The following SRFBP1 variants were observed in gnomAD, a reference collection of about 807,000 sequenced individuals.
SRFBP1 encodes serum response factor-binding protein 1.
A neutral mutation model predicts 45.5 loss-of-function variants in SRFBP1; 47 were observed. The observed-to-expected ratio is 1.03, with a 90% CI of 0.82 to 1.32. The LOEUF (loss-of-function observed/expected upper bound fraction) is 1.32. SRFBP1 is among the 40% of genes most tolerant of loss of function. The pLI, the probability that SRFBP1 is intolerant of heterozygous loss-of-function variation, is 0.00. For synonymous variants in SRFBP1, 203 were observed against 166.3 expected (o/e 1.22, Z -1.70); for missense variants, 621 against 484.6 (o/e 1.28, Z -2.64).
chr5:122,024,808 G>C (rs17351902), intron 7 of SRFBP1, among the ~76,000 whole-genome samples: 14,126 of 152,032 alleles, frequency 0.093, 926 homozygotes, highest in Non-Finnish European at 0.14. Flanking sequence ...AGGGTTTTTT[G>C]TGCTTAGCTT....
At chr5:122,053,265 G>C (rs1302223201) in intron 2 of SRFBP1, among the ~76,000 whole-genome samples, 1 of 152,120 alleles carries the variant, frequency 6.6e-6, no homozygotes, top group Non-Finnish European at 1.5e-5. Flanking sequence ...GGCAGGGCTG[G>C]ATGGAGTTGC....
chr5:121,979,177 C>T (rs539819367), intron 3 of SRFBP1, among the ~76,000 whole-genome samples: 3 of 152,172 alleles, frequency 2.0e-5, no homozygotes, highest in African/African-American at 4.8e-5. Flanking sequence ...TATATCATAC[C>T]ACTTGAACCT....
chr5:122,027,143 C>T lies in SRFBP1; in HGVS notation c.*17C>T, dbSNP rs1185372540. ...GATGATTGATTAGTGCCTCTTTCTGCAAACTTTTCCATCTAAAAAAAAAAA... is the reference window on the plus strand; with the variant it reads ...GATGATTGATTAGTGCCTCTTTCTGTAAACTTTTCCATCTAAAAAAAAAAA... On this transcript the variant is annotated 3_prime_UTR_variant, in exon 8 of 8. Transcript: ENST00000339397. 1.9e-6 allele frequency: 3 copies of T among 1,567,080 alleles called. No individual in the cohort carries two copies. In the African/African-American group the frequency reaches 4.1e-5, roughly 22 times the overall value.
At chr5:122,000,459 A>C (rs1195013534) in intron 4 of SRFBP1, among the ~76,000 whole-genome samples, 1 of 152,092 alleles carries the variant, frequency 6.6e-6, no homozygotes, top group Non-Finnish European at 1.5e-5. Context: ...CTCTTAAAAT[A>C]TCTTGAAGAG....
intron 1 of SRFBP1, among the ~76,000 whole-genome samples, chr5:121,965,115 A>G (rs960293043): frequency 3.3e-5 from 5 of 152,184 alleles, no homozygotes; most frequent in African/African-American, 7.2e-5. Flanking sequence ...ATAGATTGCA[A>G]AAATTTTCTC....
rs1754416159 is a variant in SRFBP1 at position 122,070,438 on chromosome 5, A to C, written n.312-4877A>C. ...GATTATTTAACATTTGAATCCAGAG[A>C]AGAGGGCCTATTGATCTGCAATATC... On this transcript the variant is annotated intron_variant and non_coding_transcript_variant, in intron 2 of 2. Coordinates refer to the SRFBP1 transcript ENST00000504881. The C allele has an allele frequency of 2.8e-5, 26 of 922,052 alleles. No homozygotes were observed. In the South Asian group the frequency reaches 3.6e-4, roughly 13 times the overall value. 57.1% of individuals were successfully genotyped at this position (922,052 alleles called of 1,614,324 possible).
intron 1 of SRFBP1, among the ~76,000 whole-genome samples, chr5:121,966,041 C>A (rs1281430119): frequency 6.6e-6 from 1 of 152,056 alleles, no homozygotes. Context: ...GATTTTGTAT[C>A]CTGAGACTTT....
chr5:122,021,907 G>C (rs923955376), intron 6 of SRFBP1, among the ~76,000 whole-genome samples: 1 of 151,386 alleles, frequency 6.6e-6, no homozygotes, highest in Non-Finnish European at 1.5e-5. Context: ...TATTGGCCCG[G>C]TTAGTGTCGA....
At chr5:121,990,852 C>T (rs1752607893) in intron 3 of SRFBP1, among the ~76,000 whole-genome samples, 1 of 152,152 alleles carries the variant, frequency 6.6e-6, no homozygotes, top group Admixed American at 6.5e-5. Context: ...TCACTTGAAG[C>T]AGAATTGTTC....
At chr5:121,971,951 T>C (rs1442771361) in intron 1 of SRFBP1, among the ~76,000 whole-genome samples, 1 of 151,980 alleles carries the variant, frequency 6.6e-6, no homozygotes, top group Non-Finnish European at 1.5e-5. Flanking sequence ...ACTGGATTTG[T>C]GTGGCATGCA....
chr5:121,966,431 G>A (rs1038394665), intron 1 of SRFBP1, among the ~76,000 whole-genome samples: 6 of 152,164 alleles, frequency 3.9e-5, no homozygotes, highest in Non-Finnish European at 5.9e-5. Flanking sequence ...TTGTCTACAG[G>A]TAATAAGAAG....
At chr5:121,999,001 A>C (rs924695891) in intron 4 of SRFBP1, among the ~76,000 whole-genome samples, 7 of 151,838 alleles carry the variant, frequency 4.6e-5, no homozygotes, top group Admixed American at 3.9e-4. Flanking sequence ...ACTTTCATTG[A>C]TTTTTGCTCC....
rs781725062 is a variant in SRFBP1, at chr5:121,962,043, C to T, written c.11C>T (p.Pro4Leu). 7.4e-5 allele frequency: 120 copies of T among 1,614,130 alleles called. No homozygotes were observed. Among genetic ancestry groups the T allele is most frequent in the Non-Finnish European group, 9.6e-5 (113 of 1,180,042 alleles). The change falls in exon 1 of 8, where the codon CCG (proline) becomes CTG (leucine). Residue 4 changes from proline to leucine, a missense_variant. Pro to Leu is a moderately conservative substitution (Grantham distance 98). Coordinates refer to ENST00000339397, the MANE Select transcript of SRFBP1 (RefSeq NM_152546.3). ...ATTCCTTCATCTACCATGGCTCAGC[C>T]GGGAACTCTGAACCTCAATAACGAG... MAQ[P>L]GTLNLNNEVV...
rs561386463 is a variant in SRFBP1 at position 122,019,828 on chromosome 5, T to C, written c.353-260T>C. ...TTGTATTCTGTGATGTTTTTACTGTTCTTCATAACTCCAAGACATGAAGAA... is the reference window on the plus strand; with the variant it reads ...TTGTATTCTGTGATGTTTTTACTGTCCTTCATAACTCCAAGACATGAAGAA... On this transcript the variant is annotated intron_variant, in intron 5 of 7. Transcript: ENST00000339397. Among the ~76,000 whole-genome samples, 8 of 152,208 alleles carry C rather than the reference T, an allele frequency of 5.3e-5. No individual in the cohort carries two copies. In the East Asian group the frequency reaches 1.5e-3, roughly 29 times the overall value.
chr5:121,981,553 CTTTT>C (rs71623244), intron 3 of SRFBP1, among the ~76,000 whole-genome samples: 7 of 134,722 alleles, frequency 5.2e-5, no homozygotes, highest in African/African-American at 1.1e-4. Context: ...TACCCTGTAC[CTTTT>C]TTTTTTTTTT....
At chr5:121,969,997 C>T (rs1752153871) in intron 1 of SRFBP1, among the ~76,000 whole-genome samples, 1 of 152,060 alleles carries the variant, frequency 6.6e-6, no homozygotes, top group Non-Finnish European at 1.5e-5. Flanking sequence ...TAGAGTTTTG[C>T]CAAAATGTAC....
rs1753501443 is a variant in SRFBP1, at chr5:122,027,209, A to G, written c.*83A>G. On this transcript the variant is annotated 3_prime_UTR_variant, in exon 8 of 8. Coordinates refer to ENST00000339397, the MANE Select transcript of SRFBP1 (RefSeq NM_152546.3). Reference sequence around the variant, plus strand: ...AGGATCTCATTCTGTTGCCCAGACTAGAGTACAATATTGCAATCACAGCTC... The same window carrying G: ...AGGATCTCATTCTGTTGCCCAGACTGGAGTACAATATTGCAATCACAGCTC... 3.5e-6 allele frequency: 4 copies of G among 1,135,062 alleles called. No individual in the cohort carries two copies. The highest frequency in any genetic ancestry group is 5.0e-6 in the Non-Finnish European group (4 of 804,498). The allele number at this position is 1,135,062 out of a possible 1,614,324, so 70.3% of individuals were successfully genotyped here. A position where few individuals can be genotyped will look rare whatever the true frequency, so the allele number is the denominator to read the frequency against.
Position 122,062,459 on chromosome 5 carries a change from C to G in SRFBP1, n.312-12856C>G, listed in dbSNP as rs114480817. 4.2e-3 allele frequency among the ~76,000 whole-genome samples: 642 copies of G among 152,114 alleles called. 6 individuals carry two copies. The highest frequency in any genetic ancestry group is 0.014 in the African/African-American group (566 of 41,538). On this transcript the variant is annotated intron_variant and non_coding_transcript_variant, in intron 2 of 2. Transcript: ENST00000504881. ...AAAGGAAAGATCTACACACCCCTAT[C>G]TTTGGTTACTGAGCTAATTAATGAA...
At chr5:122,078,831 A>C (rs1754717944), downstream of SRFBP1, among the ~76,000 whole-genome samples, 2 of 152,234 alleles carry the variant, frequency 1.3e-5, no homozygotes, top group South Asian at 4.1e-4. Context: ...ATGGGTTACA[A>C]ATTTATTTCC....
Sources: allele counts gnomAD v4.1 joint callset (sites outside exome capture counted in the v4.1 genomes callset), GRCh38; gene constraint gnomAD v4.1.1; transcripts MANE v1.5; gene names NCBI Gene and HGNC (gene_info 2026-07-23, HGNC 2026-07-21).